Variants in ATP8B4 observed in about 807,000 individuals in gnomAD.
ATP8B4 encodes the protein probable phospholipid-transporting ATPase IM.
ATP8B4 carries 133 observed loss-of-function variants against 145.6 expected under a neutral mutation model. The observed-to-expected ratio is 0.91, with a 90% CI of 0.79 to 1.05. ATP8B4 has a LOEUF of 1.05. Among genes scored for constraint, ATP8B4 ranks in the 50% least tolerant of loss-of-function variants. The probability of loss-of-function intolerance (pLI) is 0.00; values close to 1 mark genes in which losing one functional copy is unlikely to be tolerated. For missense variants in ATP8B4, 1,458 were observed against 1,425.2 expected, an observed-to-expected ratio of 1.02 and a Z score of -0.37; for synonymous variants, 507 against 492.9, an observed-to-expected ratio of 1.03 and a Z score of -0.38.
At position 49,860,023 on chromosome 15, in the gene ATP8B4, T is replaced by A. The variant is rs1193642161; in HGVS notation, c.*171A>T. 2.7e-6 allele frequency: 2 copies of A among 734,908 alleles called. No homozygotes were observed. The highest frequency in any genetic ancestry group is 2.1e-6 in the Non-Finnish European group (1 of 468,788). 45.5% of individuals were successfully genotyped at this position (734,908 alleles called of 1,614,324 possible). ...AGTGACCCTCTGGCCTGGTTTTCCA[T>A]AGCGCACACTCCTGTTTGATGGGCA... On this transcript the variant is annotated 3_prime_UTR_variant, in exon 28 of 28. Coordinates refer to ENST00000284509, the MANE Select transcript of ATP8B4 (RefSeq NM_024837.4).
At chr15:50,164,169 T>A (rs1450203253) in intron 1 of ATP8B4, among the ~76,000 whole-genome samples, 1 of 152,050 alleles carries the variant, frequency 6.6e-6, no homozygotes, top group Non-Finnish European at 1.5e-5. Context: ...AAGCTCCCTT[T>A]ACTCATCACA....
At chr15:49,976,345 A>G (rs796965066) in intron 12 of ATP8B4, among the ~76,000 whole-genome samples, 16 of 151,140 alleles carry the variant, frequency 1.1e-4, no homozygotes, top group African/African-American at 3.2e-4. Flanking sequence ...AGCACTTACA[A>G]TGGGCTGGGG....
At chr15:50,101,620 A>T (rs1386123675) in intron 2 of ATP8B4, among the ~76,000 whole-genome samples, 2 of 152,164 alleles carry the variant, frequency 1.3e-5, no homozygotes, top group African/African-American at 2.4e-5. Context: ...AAGAAACAAG[A>T]TAGACAGCAA....
At chr15:50,122,147 G>A (rs1044240877), upstream of ATP8B4, among the ~76,000 whole-genome samples, 11 of 152,168 alleles carry the variant, frequency 7.2e-5, no homozygotes, top group Admixed American at 5.9e-4. Context: ...GAAAGCCAAT[G>A]AATTATGGTT....
intron 1 of ATP8B4, among the ~76,000 whole-genome samples, chr15:50,114,128 T>TTTTTA (rs869306298): frequency 3.1e-5 from 4 of 130,680 alleles, no homozygotes; most frequent in Non-Finnish European, 6.4e-5. Context: ...TTTTTTTTTT[T>TTTTTA]AATTTTCATA....
chr15:50,034,281 A>T (rs1599940159), intron 6 of ATP8B4, among the ~76,000 whole-genome samples: 1 of 136,580 alleles, frequency 7.3e-6, no homozygotes, highest in African/African-American at 2.8e-5. Flanking sequence ...CCCAGGCTGG[A>T]GTGCAATGGC....
At chr15:50,086,910 T>C (rs1480351789) in intron 2 of ATP8B4, among the ~76,000 whole-genome samples, 1 of 61,814 alleles carries the variant, frequency 1.6e-5, no homozygotes, top group Non-Finnish European at 3.2e-5. Flanking sequence ...AGATCTATAT[T>C]ATTATATATA....
intron 1 of ATP8B4, among the ~76,000 whole-genome samples, chr15:50,176,041 G>A (rs1447540127): frequency 1.3e-5 from 2 of 150,516 alleles, no homozygotes; most frequent in African/African-American, 2.5e-5. Context: ...AGTATAGAGA[G>A]AGTGTATATA....
chr15:50,120,511 G>A (rs2057257383), upstream of ATP8B4, among the ~76,000 whole-genome samples: 1 of 152,092 alleles, frequency 6.6e-6, no homozygotes, highest in African/African-American at 2.4e-5. Context: ...GGAAATCAGG[G>A]CCTTTTCCTT....
rs543260069 is a variant in ATP8B4, at chr15:49,876,401, G to A, written c.2904C>T (p.Val968=). 6.2e-7 allele frequency: 1 copy of A among 1,614,102 alleles called. No individual in the cohort carries two copies. Among genetic ancestry groups the A allele is most frequent in the African/African-American group, 1.3e-5 (1 of 75,056 alleles). The change falls in exon 25 of 28, where the codon GTC becomes GTT. Residue 968 remains valine (V), a synonymous_variant. Transcript: ENST00000284509. Reference sequence around the variant, plus strand: ...AGGCCCCATAGGGGATGAAGAAAAGGACTAATGAGGTGTAGATTCCATGCA... The same window carrying A: ...AGGCCCCATAGGGGATGAAGAAAAGAACTAATGAGGTGTAGATTCCATGCA... ...CVLHGIYTSL[V]LFFIPYGAFY... is the part of the protein sequence containing the mutation.
intron 2 of ATP8B4, among the ~76,000 whole-genome samples, chr15:50,104,358 C>T (rs2056552319): frequency 6.6e-6 from 1 of 151,984 alleles, no homozygotes; most frequent in African/African-American, 2.4e-5. Context: ...CCAGAATCTA[C>T]AAGGAACTCA....
chr15:50,062,822 A>G (rs2053121757), intron 3 of ATP8B4, among the ~76,000 whole-genome samples: 1 of 152,198 alleles, frequency 6.6e-6, no homozygotes, highest in African/African-American at 2.4e-5. Flanking sequence ...CACCTAGAAA[A>G]GCATTTCTTT....
chr15:49,899,259 G>A (rs546061134), intron 21 of ATP8B4, among the ~76,000 whole-genome samples: 113 of 152,134 alleles, frequency 7.4e-4, no homozygotes, highest in African/African-American at 2.7e-3. Context: ...AGTCTTCCCT[G>A]ATTCTCCCAC....
At chr15:50,161,475 A>T (rs986843505) in intron 1 of ATP8B4, among the ~76,000 whole-genome samples, 2 of 151,262 alleles carry the variant, frequency 1.3e-5, no homozygotes, top group Non-Finnish European at 3.0e-5. Flanking sequence ...AGTGAAGGTG[A>T]TTTTCTCTAA....
At chr15:49,951,991 T>C (rs1311901791) in intron 14 of ATP8B4, among the ~76,000 whole-genome samples, 1 of 152,190 alleles carries the variant, frequency 6.6e-6, no homozygotes, top group Non-Finnish European at 1.5e-5. Flanking sequence ...GGTTGAAAAT[T>C]CTTTTCTTTA....
intron 2 of ATP8B4, among the ~76,000 whole-genome samples, chr15:50,101,513 T>A (rs924650693): frequency 6.6e-6 from 1 of 152,154 alleles, no homozygotes; most frequent in Admixed American, 6.5e-5. Context: ...TATATAATGA[T>A]AAAAGGACTA....
At chr15:49,977,117 G>T (rs189648730) in intron 12 of ATP8B4, among the ~76,000 whole-genome samples, 258 of 152,236 alleles carry the variant, frequency 1.7e-3, no homozygotes, top group Admixed American at 4.5e-3. Context: ...ACCTGGAATT[G>T]TTAACCATTC....
intron 17 of ATP8B4, among the ~76,000 whole-genome samples, chr15:49,920,629 G>A (rs927623937): frequency 8.5e-5 from 13 of 152,238 alleles, no homozygotes; most frequent in Non-Finnish European, 4.4e-5. Context: ...ATGCAGGGGA[G>A]CAAGTCTTCC....
intron 20 of ATP8B4, chr15:49,908,150 A>G (rs533830440): frequency 4.4e-6 from 2 of 455,166 alleles, no homozygotes; most frequent in South Asian, 3.1e-5. Flanking sequence ...ACTGCCTACA[A>G]TACTCTTCCA....
Sources: gnomAD v4.1 joint callset for allele counts (sites outside exome capture counted in the v4.1 genomes callset) on GRCh38, gnomAD v4.1.1 for gene constraint, MANE v1.5 for transcripts, NCBI Gene and HGNC (gene_info 2026-07-23, HGNC 2026-07-21) for gene names.